MIR2052HG: variants seen among roughly 807,000 people sequenced by gnomAD.
MIR2052HG encodes MIR2052 host gene.
chr8:74,640,546 G>C (rs1446248466), intron 2 of MIR2052HG, among the ~76,000 whole-genome samples: 1 of 151,002 alleles, frequency 6.6e-6, no homozygotes, highest in Admixed American at 6.6e-5. Context: ...GCAATTCAAA[G>C]AGAAAGAGGC....
At chr8:74,649,868 A>G (rs922887415) in intron 2 of MIR2052HG, among the ~76,000 whole-genome samples, 10 of 152,080 alleles carry the variant, frequency 6.6e-5, no homozygotes, top group African/African-American at 9.7e-5. Context: ...CTCTACATCT[A>G]TATAAATGTC....
rs556238739 is a variant in MIR2052HG at position 74,619,796 on chromosome 8, A to G, written n.216+6856A>G. 5.3e-5 allele frequency among the ~76,000 whole-genome samples: 8 copies of G among 152,296 alleles called. No individual in the cohort carries two copies. In the South Asian group the frequency reaches 1.7e-3, roughly 32 times the overall value. On this transcript the variant is annotated intron_variant and non_coding_transcript_variant, in intron 2 of 6. Transcript: ENST00000523442. ...TTGGGTGGGGACACAAAACTTAACT[A>G]TATCTTTTTGCTCTGGCCCCTCCCA...
chr8:74,653,149 A>T (rs563182014), intron 2 of MIR2052HG, among the ~76,000 whole-genome samples: 47 of 152,344 alleles, frequency 3.1e-4, no homozygotes, highest in African/African-American at 1.1e-3. Flanking sequence ...CCAAAGACAG[A>T]AAGTTTCACC....
rs1809132260 is a variant in MIR2052HG at position 74,682,141 on chromosome 8, A to G, written n.217-20238A>G. ...AAACATCATGTTGTACACCTGAAAT[A>G]CATACAATATATAAAAAATGCAGTT... On this transcript the variant is annotated intron_variant and non_coding_transcript_variant, in intron 2 of 6. Transcript: ENST00000523442. Among the ~76,000 whole-genome samples the G allele has an allele frequency of 2.0e-5, 3 of 152,296 alleles. No homozygotes were observed. The South Asian group carries it at 6.2e-4, about 32-fold the overall frequency.
intron 4 of MIR2052HG, among the ~76,000 whole-genome samples, chr8:74,739,598 A>G (rs182364168): frequency 2.0e-5 from 3 of 152,316 alleles, no homozygotes; most frequent in African/African-American, 7.2e-5. Flanking sequence ...TAGTTGTAGT[A>G]ATGTCTTCAC....
chr8:74,744,651 G>A (rs367978613), intron 4 of MIR2052HG, among the ~76,000 whole-genome samples: 217 of 152,204 alleles, frequency 1.4e-3, no homozygotes, highest in Non-Finnish European at 2.5e-3. Flanking sequence ...CAAAGGACAT[G>A]AACTCATCAT....
intron 2 of MIR2052HG, among the ~76,000 whole-genome samples, chr8:74,667,302 C>G (rs1024912054): frequency 6.6e-6 from 1 of 152,032 alleles, no homozygotes; most frequent in African/African-American, 2.4e-5. Context: ...GCAAGAATTC[C>G]CAATTCTGTG....
intron 2 of MIR2052HG, among the ~76,000 whole-genome samples, chr8:74,668,107 T>C (rs1808951057): frequency 6.6e-6 from 1 of 151,570 alleles, no homozygotes; most frequent in Non-Finnish European, 1.5e-5. Context: ...TCTTTCCTAC[T>C]AGGTGGAAAG....
intron 4 of MIR2052HG, among the ~76,000 whole-genome samples, chr8:74,743,810 C>T (rs1361563254): frequency 6.6e-6 from 1 of 152,090 alleles, no homozygotes; most frequent in Admixed American, 6.6e-5. Flanking sequence ...TATTTCATAA[C>T]TCAGACCATT....
chr8:74,610,602 C>T (rs987346037), intron 1 of MIR2052HG, among the ~76,000 whole-genome samples: 1 of 151,166 alleles, frequency 6.6e-6, no homozygotes, highest in African/African-American at 2.4e-5. Context: ...CTTCAAAAAC[C>T]TTTATAAAGC....
intron 2 of MIR2052HG, among the ~76,000 whole-genome samples, chr8:74,696,878 T>C (rs1434724890): frequency 1.3e-5 from 2 of 150,552 alleles, no homozygotes; most frequent in East Asian, 3.9e-4. Flanking sequence ...CACAGCTGAA[T>C]TCTATCAGAC....
At position 74,621,812 on chromosome 8, in the gene MIR2052HG, T is replaced by C. The variant is rs182756087; in HGVS notation, n.216+8872T>C. 2.3e-3 allele frequency among the ~76,000 whole-genome samples: 351 copies of C among 152,266 alleles called. 1 individual carries two copies. The highest frequency in any genetic ancestry group is 7.7e-3 in the African/African-American group (319 of 41,540). The stretch of plus-strand genomic sequence containing the variant: ...CACGCTGTGGGGAAAGGACAATCTT[T>C]TCAGTAAATAGTTTTGGAAAAACTA... On this transcript the variant is annotated intron_variant and non_coding_transcript_variant, in intron 2 of 6. Coordinates refer to ENST00000523442, the Ensembl canonical transcript of MIR2052HG.
chr8:74,687,305 A>T (rs893754058), intron 2 of MIR2052HG, among the ~76,000 whole-genome samples: 2 of 152,146 alleles, frequency 1.3e-5, no homozygotes, highest in African/African-American at 4.8e-5. Context: ...AAAAAAATTT[A>T]AAAGGAACTA....
chr8:74,651,721 T>C (rs1188163132), intron 2 of MIR2052HG, among the ~76,000 whole-genome samples: 1 of 152,170 alleles, frequency 6.6e-6, no homozygotes, highest in Non-Finnish European at 1.5e-5. Context: ...CAGAGTAAAC[T>C]ACTTTGCTGG....
At chr8:74,723,693 G>A (rs1390082458) in intron 4 of MIR2052HG, among the ~76,000 whole-genome samples, 2 of 152,138 alleles carry the variant, frequency 1.3e-5, no homozygotes, top group Non-Finnish European at 2.9e-5. Flanking sequence ...TAAGTAAAAG[G>A]CATATGCAGA....
At chr8:74,679,619 G>T (rs1248389658) in intron 2 of MIR2052HG, among the ~76,000 whole-genome samples, 2 of 151,276 alleles carry the variant, frequency 1.3e-5, no homozygotes, top group African/African-American at 2.4e-5. Context: ...TCTACCTCCT[G>T]GGTTCAAGCA....
chr8:74,708,519 A>T (rs910981618), intron 4 of MIR2052HG, among the ~76,000 whole-genome samples: 1 of 152,084 alleles, frequency 6.6e-6, no homozygotes, highest in African/African-American at 2.4e-5. Context: ...TAGAATATTG[A>T]CAGCAAAATT....
At chr8:74,603,870 C>G in intron 1 of MIR2052HG, 1 of 1,022,884 alleles carries the variant, frequency 9.8e-7, no homozygotes. Flanking sequence ...CCCCTGTACT[C>G]TCTCGTATTT....
intron 2 of MIR2052HG, among the ~76,000 whole-genome samples, chr8:74,635,261 C>T (rs556607968): frequency 2.1e-4 from 31 of 149,746 alleles, no homozygotes; most frequent in Middle Eastern, 3.4e-3. Flanking sequence ...TTTTTACCGT[C>T]AGGAAGGTTT....
Sources: gnomAD v4.1 joint callset for allele counts (sites outside exome capture counted in the v4.1 genomes callset) on GRCh38, gnomAD v4.1.1 for gene constraint, MANE v1.5 for transcripts, NCBI Gene and HGNC (gene_info 2026-07-23, HGNC 2026-07-21) for gene names.